KIF1C: variants seen among roughly 807,000 people sequenced by gnomAD.
The protein encoded by KIF1C is kinesin family member 1C.
A neutral mutation model predicts 126.5 loss-of-function variants in KIF1C; 61 were observed. The ratio of observed to expected loss-of-function variants is 0.48; its 90% confidence interval spans 0.39 to 0.60. The LOEUF (loss-of-function observed/expected upper bound fraction) is 0.60, where lower values mean the gene tolerates loss of function less well. Among genes scored for constraint, KIF1C ranks in the 20% least tolerant of loss-of-function variants. The pLI is 0.00. For synonymous variants in KIF1C, 640 were observed against 580.6 expected (o/e 1.10, Z -1.47); for missense variants, 1,315 against 1,489.2 (o/e 0.88, Z 1.93).
At position 5,019,980 on chromosome 17, in the gene KIF1C, C is replaced by T. The variant is rs1258854418; in HGVS notation, c.1667-16C>T. The T allele has an allele frequency of 1.3e-6, 2 of 1,588,074 alleles. No homozygotes were observed. Among genetic ancestry groups the T allele is most frequent in the Non-Finnish European group, 1.7e-6 (2 of 1,165,168 alleles). On this transcript the variant is annotated splice_polypyrimidine_tract_variant and intron_variant, in intron 18 of 22. Transcript: ENST00000320785. ...CCAGGGTCTAATCTTTCCCCTTCCT[C>T]TGCCCCTCCATTCAGTGGTGGTCAC...
At position 5,014,769 on chromosome 17, in the gene KIF1C, A is replaced by T. The variant is rs1049225304; in HGVS notation, c.1598A>T (p.Lys533Met). The T allele has an allele frequency of 1.3e-6, 2 of 1,599,550 alleles. No homozygotes were observed. Among genetic ancestry groups the T allele is most frequent in the African/African-American group, 2.7e-5 (2 of 74,828 alleles). Residue 533 changes from lysine (K) to methionine (M), a missense_variant, in exon 18 of 23, where the codon AAG becomes ATG. Physicochemically the swap from Lys to Met is moderately conservative, Grantham distance 95. This residue lies in a region of KIF1C where 874 missense variants were observed against 1,053.2 expected (regional missense o/e 0.83). Coordinates refer to ENST00000320785, the MANE Select transcript of KIF1C (RefSeq NM_006612.6). ...TRVGQVDMDIKLTGQFIREQH... is the reference protein window; with the variant it reads ...TRVGQVDMDIMLTGQFIREQH... ...GTCGGCCAAGTAGATATGGACATCA[A>T]GCTGACCGGACAGTTCATTCGGGAG...
Position 5,023,496 on chromosome 17 carries a change from G to A in KIF1C, c.2657G>A (p.Gly886Asp). The A allele has an allele frequency of 6.2e-7, 1 of 1,614,020 alleles. No individual in the cohort carries two copies. The highest frequency in any genetic ancestry group is 8.5e-7 in the Non-Finnish European group (1 of 1,179,992). The change falls in exon 23 of 23, where the codon GGT (glycine) becomes GAT (aspartate). Residue 886 changes from glycine to aspartate, a missense_variant. This residue lies in a region of KIF1C where 441 missense variants were observed against 436.1 expected (regional missense o/e 1.01). Coordinates refer to ENST00000320785, the MANE Select transcript of KIF1C (RefSeq NM_006612.6). This position sits in a 1 kb window ranked among gnomAD's most constrained non-coding sequence, Gnocchi z 4.2. ...QDHEDENEEG[G>D]EVPWAPPEGS... Reference sequence around the variant, plus strand: ...CATGAGGATGAGAATGAAGAAGGTGGTGAGGTCCCCTGGGCCCCGCCTGAA... The same window carrying A: ...CATGAGGATGAGAATGAAGAAGGTGATGAGGTCCCCTGGGCCCCGCCTGAA...
At position 5,022,205 on chromosome 17, in the gene KIF1C, C is replaced by G. The variant is rs1237506584; in HGVS notation, c.2124C>G (p.Val708=). The G allele has an allele frequency of 6.2e-7, 1 of 1,614,178 alleles. No homozygotes were observed. Among genetic ancestry groups the G allele is most frequent in the East Asian group, 2.2e-5 (1 of 44,876 alleles). ...QLPPTTVQTI[V]KRCGLPSSGK... is the part of the protein sequence containing the mutation. ...CGCCCACCACGGTCCAGACCATTGT[C>G]AAACGCTGTGGTCTGCCCAGCAGTG... The change falls in exon 22 of 23, where the codon GTC becomes GTG. Residue 708 remains valine, a synonymous_variant. Transcript: ENST00000320785. The surrounding 1 kb of genome is among the most constrained non-coding windows in gnomAD (Gnocchi z 4.9).
chr17:5,002,977 C>T (rs1342757287), intron 8 of KIF1C, 135 bp downstream of exon 8: 14 of 642,916 alleles, frequency 2.2e-5, no homozygotes, highest in South Asian at 1.4e-4. Context: ...ACCATGACCG[C>T]GCCCCACCCC....
At position 5,027,904 on chromosome 17, in the gene KIF1C, C is replaced by G. The variant is rs1464165034; in HGVS notation, c.*3753C>G. 6.6e-6 allele frequency: 1 copy of G among 152,060 alleles called. No homozygotes were observed. The highest frequency in any genetic ancestry group is 1.5e-5 in the Non-Finnish European group (1 of 68,050). 9.4% of individuals were successfully genotyped at this position (152,060 alleles called of 1,614,324 possible). On this transcript the variant is annotated 3_prime_UTR_variant, in exon 23 of 23. Coordinates refer to ENST00000320785, the MANE Select transcript of KIF1C (RefSeq NM_006612.6). ...GGAGGATCGCTTGAGCCTGGGAGGT[C>G]AAGGCTGCGGTGACCTGTGATTGCA...
intron 4 of KIF1C, 83 bp from the exon 5 acceptor site, chr17:5,001,139 G>T: frequency 7.0e-7 from 1 of 1,419,964 alleles, no homozygotes; most frequent in Non-Finnish European, 9.8e-7. Context: ...GTCAGTGATG[G>T]AAGCAAGACT....
rs151185284 is a variant in KIF1C, at chr17:5,000,136, G to A, written c.-27-84G>A. The stretch of plus-strand genomic sequence containing the variant: ...GGTGGCTCTGGGGGAGATGTGAAGA[G>A]ACTGGTTCCGGGAAGAAGCTGGGAG... On this transcript the variant is annotated intron_variant, in intron 2 of 22. Coordinates refer to ENST00000320785, the MANE Select transcript of KIF1C (RefSeq NM_006612.6). The A allele has an allele frequency of 2.9e-4, 218 of 741,246 alleles. 2 individuals carry two copies. The highest frequency in any genetic ancestry group is 4.7e-4 in the Non-Finnish European group (201 of 429,396). The allele number at this position is 741,246 out of a possible 1,614,324, so 45.9% of individuals were successfully genotyped here.
At chr17:5,006,536 A>G (rs577322771) in intron 13 of KIF1C, among the ~76,000 whole-genome samples, 1 of 151,752 alleles carries the variant, frequency 6.6e-6, no homozygotes, top group Non-Finnish European at 1.5e-5. Context: ...GGGTTTCACC[A>G]TGTTGGCCAG....
In KIF1C at chr17:5,006,907, C is replaced by T. The variant is rs114935927; in HGVS notation, c.1166-8C>T. ...AGCCTCATTCTTTTTCCTCTTTCTC[C>T]CTCCCAGGCCTGAAGACGGAAGAAG... On this transcript the variant is annotated splice_region_variant and splice_polypyrimidine_tract_variant and intron_variant, in intron 13 of 22. Transcript: ENST00000320785. The T allele has an allele frequency of 1.9e-3, 3,009 of 1,611,400 alleles. 48 individuals carry two copies. The African/African-American group carries it at 0.034, about 18-fold the overall frequency.
At chr17:5,012,390 G>C (rs1974884979) in intron 16 of KIF1C, among the ~76,000 whole-genome samples, 3 of 152,108 alleles carry the variant, frequency 2.0e-5, no homozygotes, top group Admixed American at 1.3e-4. Context: ...GAGGCGGTCT[G>C]TTGTTGGGGA....
At chr17:5,013,777 G>C (rs751958654) in intron 17 of KIF1C, 45 bp downstream of exon 17, 11 of 1,497,166 alleles carry the variant, frequency 7.3e-6, no homozygotes, top group Non-Finnish European at 1.0e-5. Context: ...TGCTTTTGGG[G>C]TGTGGCTGCC....
rs753212338 is a variant in KIF1C, at chr17:5,003,757, C to T, written c.798+68C>T. ...TGGGCTGTATGTGGAGGTCTCCAGT[C>T]GGAACCTGAGACTCTCACTGGGGAG... On this transcript the variant is annotated intron_variant, in intron 9 of 22. Transcript: ENST00000320785. 235 of 1,554,808 alleles carry T rather than the reference C, an allele frequency of 1.5e-4. 2 individuals are homozygous for T. Among genetic ancestry groups the T allele is most frequent in the African/African-American group, 2.0e-4 (15 of 73,690 alleles).
Position 5,004,976 on chromosome 17 carries a change from G to A in KIF1C, c.1141G>A (p.Gly381Arg). 6.2e-7 allele frequency: 1 copy of A among 1,614,232 alleles called. No individual in the cohort carries two copies. The highest frequency in any genetic ancestry group is 2.2e-5 in the East Asian group (1 of 44,890). Reference protein sequence around the residue: ...ARLRELLMAQGLSASALEGLK... With the variant: ...ARLRELLMAQRLSASALEGLK... ...GCTGCGGGAACTGCTGATGGCTCAG[G>A]GACTGTCAGCCTCTGCTCTGGAAGG... Residue 381 changes from glycine to arginine, a missense_variant, in exon 13 of 23, where the codon GGA (glycine) becomes AGA (arginine). Transcript: ENST00000320785.
chr17:4,998,408 A>C (rs930263085), intron 1 of KIF1C, among the ~76,000 whole-genome samples: 4 of 152,152 alleles, frequency 2.6e-5, no homozygotes, highest in Non-Finnish European at 4.4e-5. Context: ...GGCAAGGTGC[A>C]GGTGGCCCAA....
rs748884069 is a variant in KIF1C, at chr17:5,006,956, G to A, written c.1207G>A (p.Ala403Thr). ...AGGGAGTGTCAGAGGCGCCCTGCCA[G>A]CTGTGTCATCTCCCCCAGCTCCAGT... ...EEGSVRGALP[A>T]VSSPPAPVSP... The change falls in exon 14 of 23, where the codon GCT (alanine) becomes ACT (threonine). Residue 403 changes from alanine to threonine, a missense_variant. Transcript: ENST00000320785. 6.2e-7 allele frequency: 1 copy of A among 1,609,046 alleles called. No individual in the cohort carries two copies. The highest frequency in any genetic ancestry group is 1.1e-5 in the South Asian group (1 of 90,464).
chr17:5,002,368 T>C (rs1427219707), intron 6 of KIF1C, 96 bp from the exon 7 acceptor site: 1 of 1,213,820 alleles, frequency 8.2e-7, no homozygotes, highest in African/African-American at 1.5e-5. Context: ...GTGTATTAGC[T>C]GCAGTCACCT....
At chr17:5,009,546 T>G (rs1974813956) in intron 16 of KIF1C, among the ~76,000 whole-genome samples, 1 of 151,650 alleles carries the variant, frequency 6.6e-6, no homozygotes, top group South Asian at 2.1e-4. Flanking sequence ...CCTAGCACTT[T>G]GGGAGGCCAA....
rs1373715800 is a variant in KIF1C at position 5,028,109 on chromosome 17, C to G, written c.*3958C>G. 6.6e-6 allele frequency: 1 copy of G among 152,148 alleles called. No individual in the cohort carries two copies. The highest frequency in any genetic ancestry group is 1.5e-5 in the Non-Finnish European group (1 of 68,032). The allele number at this position is 152,148 out of a possible 1,614,324, so 9.4% of individuals were successfully genotyped here. A position where few individuals can be genotyped will look rare whatever the true frequency, so the allele number is the denominator to read the frequency against. ...ATTGCCCAGGCTGTCCTGTGAGTGA[C>G]AGCAGCTATTTCGTGGGCCTCCTCT... On this transcript the variant is annotated 3_prime_UTR_variant, in exon 23 of 23. Transcript: ENST00000320785.
rs146628704 is a variant in KIF1C, at chr17:5,022,672, G to A, written c.2591G>A (p.Arg864His). ...KDRELQALRD[R>H]MLRMERVIPL... ...CGGGAGCTGCAGGCCCTGCGGGACC[G>A]CATGCTCCGCATGGAGAGGGTCATC... Residue 864 changes from arginine to histidine, a missense_variant, in exon 22 of 23, where the codon CGC (arginine) becomes CAC (histidine). Arg to His is a conservative substitution (Grantham distance 29, BLOSUM62 0). Around this residue, in one of 2 missense-constraint regions of KIF1C, gnomAD observed 441 missense variants for 436.1 expected, o/e 1.01. Coordinates refer to ENST00000320785, the MANE Select transcript of KIF1C (RefSeq NM_006612.6). The surrounding 1 kb of genome is among the most constrained non-coding windows in gnomAD (Gnocchi z 4.9). 157 of 1,574,914 alleles carry A rather than the reference G, an allele frequency of 1.0e-4. No individual in the cohort carries two copies. Among genetic ancestry groups the A allele is most frequent in the African/African-American group, 1.2e-4 (9 of 74,112 alleles).
Sources: allele counts gnomAD v4.1 joint callset (sites outside exome capture counted in the v4.1 genomes callset), GRCh38; gene constraint gnomAD v4.1.1; regional missense constraint gnomAD v4.1.1; non-coding constraint Gnocchi (gnomAD v3.1); transcripts MANE v1.5; gene names NCBI Gene and HGNC (gene_info 2026-07-23, HGNC 2026-07-21).